Variants in NAA25 observed in about 807,000 individuals in gnomAD.
NAA25 encodes the protein N-alpha-acetyltransferase 25, NatB auxiliary subunit, also known as N-terminal acetyltransferase B complex subunit NAA25.
In NAA25, 30 loss-of-function variants were observed where a neutral mutation model predicts 132.5. The observed-to-expected ratio is 0.23, with a 90% CI of 0.17 to 0.31. The LOEUF (loss-of-function observed/expected upper bound fraction) is 0.31, where lower values mean the gene tolerates loss of function less well. Among genes scored for constraint, NAA25 ranks in the 10% least tolerant of loss-of-function variants. NAA25 has a pLI of 1.00. For synonymous variants in NAA25, 359 were observed against 401.9 expected (o/e 0.89, Z 1.28); for missense variants, 771 against 1,150.4 (o/e 0.67, Z 4.77).
At chr12:112,080,574 C>A (rs2078959922) in intron 5 of NAA25, among the ~76,000 whole-genome samples, 2 of 151,962 alleles carry the variant, frequency 1.3e-5, no homozygotes, top group African/African-American at 2.4e-5. Flanking sequence ...GATCTCGGCT[C>A]ACTGAAACCT....
chr12:112,059,290 G>C (rs1215514492), intron 13 of NAA25, among the ~76,000 whole-genome samples: 1 of 151,544 alleles, frequency 6.6e-6, no homozygotes, highest in East Asian at 1.9e-4. Context: ...ACAAAACTGA[G>C]TGCTCTGTGA....
chr12:112,031,288 G>A lies in NAA25; in HGVS notation c.2797-1635C>T, dbSNP rs1441423586. Among the ~76,000 whole-genome samples, 12 of 152,274 alleles carry A rather than the reference G, an allele frequency of 7.9e-5. No homozygotes were observed. The East Asian group carries it at 2.3e-3, about 29-fold the overall frequency. On this transcript the variant is annotated intron_variant, in intron 23 of 23. Coordinates refer to ENST00000261745, the MANE Select transcript of NAA25 (RefSeq NM_024953.4). ...TAGAAAGGGAGGAAAGAAAGCAGAG[G>A]AGCCTAATGGAAACTGAATTGAAGA...
intron 23 of NAA25, among the ~76,000 whole-genome samples, chr12:112,032,256 G>A (rs1451234505): frequency 1.3e-5 from 2 of 152,062 alleles, no homozygotes; most frequent in Admixed American, 1.3e-4. Context: ...GTGAGCCACT[G>A]TGCCCAGCCC....
intron 7 of NAA25, among the ~76,000 whole-genome samples, chr12:112,076,102 T>A (rs1361079248): frequency 2.0e-5 from 3 of 152,066 alleles, no homozygotes; most frequent in Non-Finnish European, 4.4e-5. Flanking sequence ...AGGCTGGTCT[T>A]AAACTCCTGA....
chr12:112,095,415 T>C (rs1186610212), intron 1 of NAA25, among the ~76,000 whole-genome samples: 3 of 150,598 alleles, frequency 2.0e-5, no homozygotes, highest in African/African-American at 7.3e-5. Context: ...CCAGCCTGAG[T>C]GACAGAGTGA....
rs555615292 is a variant in NAA25, at chr12:112,038,608, C to T, written c.2649+621G>A. 5.3e-5 allele frequency among the ~76,000 whole-genome samples: 8 copies of T among 152,150 alleles called. No individual in the cohort carries two copies. The South Asian group carries it at 1.0e-3, about 20-fold the overall frequency. ...TTTTTAAGTTAGGGGAGAAAAACAA[C>T]GCATATGCAGGGATGTCCAATCTTC... is the stretch of plus-strand genomic sequence containing the variant. On this transcript the variant is annotated intron_variant, in intron 22 of 23. Transcript: ENST00000261745.
chr12:112,059,585 G>T (rs1669945754), intron 13 of NAA25, among the ~76,000 whole-genome samples: 1 of 152,056 alleles, frequency 6.6e-6, no homozygotes, highest in African/African-American at 2.4e-5. Context: ...ATTCCAGAAA[G>T]AATGCATTTT....
intron 4 of NAA25, among the ~76,000 whole-genome samples, chr12:112,082,991 G>A (rs2136912297): frequency 1.3e-5 from 2 of 152,264 alleles, no homozygotes; most frequent in South Asian, 4.1e-4. Context: ...TTGAAAGGTA[G>A]ACCAAGGTAC....
chr12:112,102,403 A>T (rs1175628296), intron 1 of NAA25, among the ~76,000 whole-genome samples: 1 of 151,812 alleles, frequency 6.6e-6, no homozygotes, highest in Non-Finnish European at 1.5e-5. Flanking sequence ...GAAATGTACT[A>T]ATCTCTTCAT....
intron 1 of NAA25, among the ~76,000 whole-genome samples, chr12:112,106,030 C>T (rs1420759509): frequency 1.3e-5 from 2 of 152,160 alleles, no homozygotes; most frequent in Admixed American, 6.5e-5. Flanking sequence ...ATTTAAACAA[C>T]AAAAGTGTGG....
At chr12:112,077,427 C>T (rs1170691813) in intron 7 of NAA25, among the ~76,000 whole-genome samples, 1 of 150,958 alleles carries the variant, frequency 6.6e-6, no homozygotes, top group South Asian at 2.1e-4. Context: ...GAGCCGAGAT[C>T]GCACCACTGC....
At chr12:112,076,634 T>C (rs2078899136) in intron 7 of NAA25, among the ~76,000 whole-genome samples, 1 of 151,940 alleles carries the variant, frequency 6.6e-6, no homozygotes, top group South Asian at 2.1e-4. Flanking sequence ...ATACCAAAAA[T>C]TACATTATGA....
rs1336414997 is a variant in NAA25, at chr12:112,026,773, A to G, written c.*2758T>C. 1.3e-5 allele frequency: 2 copies of G among 152,266 alleles called. No individual in the cohort carries two copies. The highest frequency in any genetic ancestry group is 2.9e-5 in the Non-Finnish European group (2 of 68,038). The allele number at this position is 152,266 out of a possible 1,614,324, so 9.4% of individuals were successfully genotyped here. A position where few individuals can be genotyped will look rare whatever the true frequency, so the allele number is the denominator to read the frequency against. On this transcript the variant is annotated 3_prime_UTR_variant, in exon 24 of 24. Transcript: ENST00000261745. Reference sequence around the variant, plus strand: ...CTATGCTTCACTTACTTAAGGAAGAATATATACTTCCTATATTAATAAATC... The same window carrying G: ...CTATGCTTCACTTACTTAAGGAAGAGTATATACTTCCTATATTAATAAATC...
chr12:112,071,831 A>AAC, intron 10 of NAA25, 64 bp downstream of exon 10: 1 of 1,111,144 alleles, frequency 9.0e-7, no homozygotes, highest in South Asian at 2.0e-5. Context: ...GATCTCAACT[A>AAC]ATGAATATAG....
chr12:112,094,240 CAA>C lies in NAA25; in HGVS notation c.59-1106_59-1105del, dbSNP rs199734463. On this transcript the variant is annotated intron_variant, in intron 1 of 23. Transcript: ENST00000261745. ...TAGGCGACAGAGGGAGACTCTGTCTCAAAAAAAAAAAAAAAAAAAAAAGAATA... is the reference window on the plus strand; with the variant it reads ...TAGGCGACAGAGGGAGACTCTGTCTCAAAAAAAAAAAAAAAAAAAAGAATA... 7.9e-3 allele frequency among the ~76,000 whole-genome samples: 545 copies of C among 69,266 alleles called. 4 individuals are homozygous for C. The highest frequency in any genetic ancestry group is 0.025 in the African/African-American group (499 of 19,840). 45.4% of individuals were successfully genotyped at this position (69,266 alleles called of 152,430 possible). A position where few individuals can be genotyped will look rare whatever the true frequency, so the allele number is the denominator to read the frequency against.
intron 12 of NAA25, 52 bp from the exon 13 acceptor site, chr12:112,060,411 A>ACCCC (rs1444931427): frequency 8.0e-7 from 1 of 1,250,792 alleles, no homozygotes; most frequent in Admixed American, 2.0e-5. Flanking sequence ...ACTATTACTG[A>ACCCC]CCCCAAAGGA....
chr12:112,037,251 CAGAT>C (rs1209184503), intron 22 of NAA25, among the ~76,000 whole-genome samples: 25 of 132,694 alleles, frequency 1.9e-4, no homozygotes, highest in African/African-American at 4.4e-4. Flanking sequence ...TGGTGATACT[CAGAT>C]AGCGATATTT....
chr12:112,075,522 G>A (rs1483567505), intron 8 of NAA25, among the ~76,000 whole-genome samples, 156 bp downstream of exon 8: 1 of 152,080 alleles, frequency 6.6e-6, no homozygotes, highest in Admixed American at 6.6e-5. Context: ...ACTGAAAGAT[G>A]AAGGCTCCTT....
chr12:112,059,357 C>G (rs2078592830), intron 13 of NAA25, among the ~76,000 whole-genome samples: 1 of 152,044 alleles, frequency 6.6e-6, no homozygotes, highest in Non-Finnish European at 1.5e-5. Context: ...CTCTTCAGCC[C>G]TTTGTTTCTT....
Sources: allele counts gnomAD v4.1 joint callset (sites outside exome capture counted in the v4.1 genomes callset), GRCh38; gene constraint gnomAD v4.1.1; transcripts MANE v1.5; gene names NCBI Gene and HGNC (gene_info 2026-07-23, HGNC 2026-07-21).